Variants in FRAS1 observed in about 807,000 individuals in gnomAD.
FRAS1 encodes the protein Fraser extracellular matrix complex subunit 1.
FRAS1 carries 290 observed loss-of-function variants against 435.2 expected under a neutral mutation model. The ratio of observed to expected loss-of-function variants is 0.67; its 90% CI spans 0.61 to 0.73. FRAS1 has a LOEUF of 0.73. Ranked by LOEUF, FRAS1 falls within the 30% of genes least tolerant of loss-of-function variation. The probability of loss-of-function intolerance (pLI) is 0.00; values close to 1 mark genes in which losing one functional copy is unlikely to be tolerated. For synonymous variants in FRAS1, 1,800 were observed against 1,851.0 expected (o/e 0.97, Z 0.71); for missense variants, 4,860 against 5,001.5 (o/e 0.97, Z 0.85).
chr4:78,405,131 G>C (rs1733050314), intron 30 of FRAS1, among the ~76,000 whole-genome samples: 1 of 152,150 alleles, frequency 6.6e-6, no homozygotes, highest in South Asian at 2.1e-4. Flanking sequence ...CTGTTAATCT[G>C]TATGACATGA....
At chr4:78,255,755 A>G (rs1191264881) in intron 6 of FRAS1, among the ~76,000 whole-genome samples, 1 of 152,216 alleles carries the variant, frequency 6.6e-6, no homozygotes, top group East Asian at 1.9e-4. Context: ...GACATAATGC[A>G]TATCTTTGAA....
chr4:78,413,791 TG>T (rs1733447608), intron 32 of FRAS1, among the ~76,000 whole-genome samples: 1 of 152,172 alleles, frequency 6.6e-6, no homozygotes, highest in Non-Finnish European at 1.5e-5. Flanking sequence ...GGAAGGAGTG[TG>T]GGTCATGGGA....
rs145489217 is a variant in FRAS1, at chr4:78,500,090, A to G, written c.9316+169A>G. ...TTGCAGGTGAAATTTCTAATTCGTA[A>G]AAATGACATGGGGGAAAAAGAAATA... On this transcript the variant is annotated intron_variant, in intron 61 of 73. Transcript: ENST00000512123. 1.1e-4 allele frequency among the ~76,000 whole-genome samples: 16 copies of G among 152,314 alleles called. No homozygotes were observed. The East Asian group carries it at 2.3e-3, about 22-fold the overall frequency.
At chr4:78,383,730 C>T (rs552880198) in intron 27 of FRAS1, among the ~76,000 whole-genome samples, 2 of 152,304 alleles carry the variant, frequency 1.3e-5, no homozygotes, top group Admixed American at 6.5e-5. Flanking sequence ...TCAATTTAAC[C>T]ATTAGCCTAC....
intron 6 of FRAS1, among the ~76,000 whole-genome samples, chr4:78,263,866 C>A (rs1185100794): frequency 6.6e-6 from 1 of 152,120 alleles, no homozygotes; most frequent in Admixed American, 6.5e-5. Context: ...TACATGAATA[C>A]AACTGATCAT....
chr4:78,372,783 G>T lies in FRAS1; in HGVS notation c.2935G>T (p.Gly979Cys), dbSNP rs538621809. 24 of 1,613,198 alleles carry T rather than the reference G, an allele frequency of 1.5e-5. No homozygotes were observed. The highest frequency in any genetic ancestry group is 2.0e-5 in the Non-Finnish European group (24 of 1,179,696). The change falls in exon 24 of 74, where the codon GGC becomes TGC. Residue 979 changes from glycine to cysteine, a missense_variant. Coordinates refer to ENST00000512123, the MANE Select transcript of FRAS1 (RefSeq NM_025074.7). ...AACAGACTGCCTGCAGTGCATGGATGGCTATGTTCTCCAGGATGGGGCCTG... is the reference window on the plus strand; with the variant it reads ...AACAGACTGCCTGCAGTGCATGGATTGCTATGTTCTCCAGGATGGGGCCTG... ...LKTDCLQCMD[G>C]YVLQDGACVE...
rs115602024 is a variant in FRAS1 at position 78,309,048 on chromosome 4, A to C, written c.1678+839A>C. On this transcript the variant is annotated intron_variant, in intron 15 of 73. Coordinates refer to ENST00000512123, the MANE Select transcript of FRAS1 (RefSeq NM_025074.7). The stretch of plus-strand genomic sequence containing the variant: ...CATGCAATCAATCACAAGAGTCCTT[A>C]TATGAGGGAGGCAACAGAGTCGAGT... Among the ~76,000 whole-genome samples the C allele has an allele frequency of 4.5e-3, 682 of 152,354 alleles. 3 individuals carry two copies. Among genetic ancestry groups the C allele is most frequent in the African/African-American group, 0.016 (645 of 41,584 alleles).
chr4:78,289,331 A>G (rs961915615), intron 14 of FRAS1, among the ~76,000 whole-genome samples: 3 of 151,822 alleles, frequency 2.0e-5, no homozygotes, highest in African/African-American at 7.3e-5. Flanking sequence ...CTATTGTTAC[A>G]TATTTTGCAT....
intron 70 of FRAS1, among the ~76,000 whole-genome samples, chr4:78,530,732 G>A (rs1216881671): frequency 6.6e-6 from 1 of 152,126 alleles, no homozygotes; most frequent in African/African-American, 2.4e-5. Flanking sequence ...TGCTGTTTTG[G>A]TTACTGTAGC....
chr4:78,089,485 A>G (rs7695979), intron 2 of FRAS1, among the ~76,000 whole-genome samples: 122,561 of 152,080 alleles, frequency 0.81, 49,509 homozygotes, highest in East Asian at 0.95. Context: ...GATTGGCAGA[A>G]CCCAAGGGGC....
intron 61 of FRAS1, among the ~76,000 whole-genome samples, chr4:78,502,710 T>C (rs1720720939): frequency 6.6e-6 from 1 of 152,236 alleles, no homozygotes; most frequent in Non-Finnish European, 1.5e-5. Context: ...CTTTATTTCT[T>C]TCTCTTGCCT....
At chr4:78,077,627 C>T (rs879462773) in intron 2 of FRAS1, among the ~76,000 whole-genome samples, 1 of 151,888 alleles carries the variant, frequency 6.6e-6, no homozygotes, top group Non-Finnish European at 1.5e-5. Flanking sequence ...CATTGTCTAT[C>T]ATCCTACACT....
At chr4:78,272,826 G>A (rs936593618) in intron 9 of FRAS1, among the ~76,000 whole-genome samples, 2 of 151,554 alleles carry the variant, frequency 1.3e-5, no homozygotes, top group African/African-American at 4.9e-5. Flanking sequence ...GAACTTTAAA[G>A]TAGTTTTTTC....
intron 2 of FRAS1, among the ~76,000 whole-genome samples, chr4:78,180,261 T>C (rs1407564739): frequency 6.6e-6 from 1 of 152,184 alleles, no homozygotes; most frequent in Non-Finnish European, 1.5e-5. Context: ...ATATAAAGAT[T>C]TAGCATATAT....
intron 68 of FRAS1, 34 bp from the exon 69 acceptor site, chr4:78,522,615 G>C: frequency 6.4e-7 from 1 of 1,554,390 alleles, no homozygotes; most frequent in Non-Finnish European, 8.7e-7. Context: ...TCTACCACAA[G>C]TACATTAAAT....
chr4:78,234,873 A>G (rs1724682758), intron 2 of FRAS1, among the ~76,000 whole-genome samples: 2 of 152,218 alleles, frequency 1.3e-5, no homozygotes, highest in African/African-American at 2.4e-5. Context: ...ATCTACACCA[A>G]TGTTGGTATA....
Position 78,445,645 on chromosome 4 carries a change from T to A in FRAS1, c.5789T>A (p.Ile1930Asn). ...GAAAGCATTGAGCCAACCCATGATA[T>A]TTTTAGTTTTTATGTGAGTGATGGA... The part of the protein sequence containing the change: ...VHESIEPTHD[I>N]FSFYVSDGTS... Residue 1930 changes from isoleucine to asparagine, a missense_variant, in exon 42 of 74, where the codon ATT becomes AAT. Transcript: ENST00000512123. 6.2e-7 allele frequency: 1 copy of A among 1,613,850 alleles called. No homozygotes were observed. The highest frequency in any genetic ancestry group is 8.5e-7 in the Non-Finnish European group (1 of 1,179,804).
In FRAS1 at chr4:78,513,497, A is replaced by T; in HGVS notation, c.10119A>T (p.Arg3373Ser). The change falls in exon 65 of 74, where the codon AGA (arginine) becomes AGT (serine). Residue 3373 changes from arginine to serine, a missense_variant. Transcript: ENST00000512123. ...TTCTACTGTCTGAGTCCATCTACAG[A>T]CACCAGCACGTCTGCTCCAATTTAG... ...LHFLLSESIY[R>S]HQHVCSNLVT... 1 of 1,613,912 alleles carries T rather than the reference A, an allele frequency of 6.2e-7. No individual in the cohort carries two copies. Among genetic ancestry groups the T allele is most frequent in the Non-Finnish European group, 8.5e-7 (1 of 1,179,858 alleles).
chr4:78,452,638 T>A (rs1159327393), intron 47 of FRAS1, among the ~76,000 whole-genome samples: 1 of 152,246 alleles, frequency 6.6e-6, no homozygotes, highest in Non-Finnish European at 1.5e-5. Flanking sequence ...AAACACTGCA[T>A]CCTGCTTTTC....
Sources: gnomAD v4.1 joint callset for allele counts (sites outside exome capture counted in the v4.1 genomes callset) on GRCh38, gnomAD v4.1.1 for gene constraint, MANE v1.5 for transcripts, NCBI Gene and HGNC (gene_info 2026-07-23, HGNC 2026-07-21) for gene names.